The following CDIN1 variants were observed in gnomAD, a reference collection of about 807,000 sequenced individuals.
The protein encoded by CDIN1 is CDAN1-interacting nuclease 1.
Under a neutral mutation model 45.3 loss-of-function variants are expected in CDIN1, and 33 were observed. That is an observed-to-expected ratio of 0.73 (90% CI 0.55 to 0.97). The LOEUF (loss-of-function observed/expected upper bound fraction) is 0.97, where lower values mean the gene tolerates loss of function less well. Ranked by LOEUF, CDIN1 falls within the 50% of genes least tolerant of loss-of-function variation. The pLI, the probability that CDIN1 is intolerant of heterozygous loss-of-function variation, is 0.00. For synonymous variants in CDIN1, 118 were observed against 124.4 expected, an observed-to-expected ratio of 0.95 and a Z score of 0.34; for missense variants, 303 against 339.4, an observed-to-expected ratio of 0.89 and a Z score of 0.84.
At chr15:36,792,310 A>T (rs2054665346) in intron 10 of CDIN1, among the ~76,000 whole-genome samples, 1 of 152,118 alleles carries the variant, frequency 6.6e-6, no homozygotes, top group African/African-American at 2.4e-5. Flanking sequence ...TAATCAAAAA[A>T]CAATCAGAAG....
At chr15:36,633,904 T>C (rs933533750) in intron 1 of CDIN1, among the ~76,000 whole-genome samples, 3 of 151,978 alleles carry the variant, frequency 2.0e-5, no homozygotes. Flanking sequence ...ACTACAGGCA[T>C]GCGCCATGAT....
chr15:36,658,645 G>GTA (rs1566874449), intron 5 of CDIN1, among the ~76,000 whole-genome samples: 1 of 152,070 alleles, frequency 6.6e-6, no homozygotes, highest in East Asian at 1.9e-4. Context: ...TTATTACCTA[G>GTA]TATAATGTTT....
At chr15:36,755,491 C>T (rs1374031168) in intron 10 of CDIN1, among the ~76,000 whole-genome samples, 3 of 152,072 alleles carry the variant, frequency 2.0e-5, no homozygotes, top group East Asian at 3.9e-4. Context: ...CTGAAGAGTA[C>T]TCATTTTTAT....
chr15:36,752,252 CTGTCCTGGTTA>C (rs2053495877), intron 10 of CDIN1, among the ~76,000 whole-genome samples: 1 of 152,200 alleles, frequency 6.6e-6, no homozygotes, highest in Non-Finnish European at 1.5e-5. Context: ...TGCAGGATAA[CTGTCCTGGTTA>C]TGCCAAAGAT....
At chr15:36,597,031 C>G (rs2037868065) in intron 1 of CDIN1, among the ~76,000 whole-genome samples, 1 of 152,120 alleles carries the variant, frequency 6.6e-6, no homozygotes, top group East Asian at 1.9e-4. Flanking sequence ...TTGGCAAGAC[C>G]TATGATTTAT....
intron 10 of CDIN1, among the ~76,000 whole-genome samples, chr15:36,728,607 G>C (rs561626893): frequency 6.7e-6 from 1 of 149,288 alleles, no homozygotes; most frequent in Non-Finnish European, 1.5e-5. Context: ...ATCCAAAATG[G>C]TAATGAATGC....
At chr15:36,689,818 T>G (rs557683855) in intron 5 of CDIN1, among the ~76,000 whole-genome samples, 23 of 152,350 alleles carry the variant, frequency 1.5e-4, no homozygotes, top group African/African-American at 5.5e-4. Flanking sequence ...ATGGTTTGTA[T>G]GAAGTAAATA....
chr15:36,600,391 G>A (rs1255315199), intron 1 of CDIN1, among the ~76,000 whole-genome samples: 2 of 152,182 alleles, frequency 1.3e-5, no homozygotes, highest in East Asian at 1.9e-4. Context: ...TGTAGTTCAC[G>A]AGGGAATATG....
intron 5 of CDIN1, chr15:36,658,156 A>G (rs1020002844): frequency 1.2e-5 from 4 of 344,146 alleles, no homozygotes; most frequent in African/African-American, 2.1e-5. Flanking sequence ...GTATCAAACT[A>G]AAAAATTGAT....
At chr15:36,746,314 G>A (rs575528011) in intron 10 of CDIN1, among the ~76,000 whole-genome samples, 1 of 152,242 alleles carries the variant, frequency 6.6e-6, no homozygotes, top group East Asian at 1.9e-4. Context: ...CAAGTGGGAA[G>A]TTATTGCTGA....
At chr15:36,800,678 G>A (rs1035923104) in intron 10 of CDIN1, among the ~76,000 whole-genome samples, 10 of 151,168 alleles carry the variant, frequency 6.6e-5, no homozygotes, top group South Asian at 2.1e-4. Context: ...CTCCTTCATC[G>A]TGAACTATGT....
At chr15:36,711,291 G>T (rs1307859793) in intron 10 of CDIN1, among the ~76,000 whole-genome samples, 2 of 152,090 alleles carry the variant, frequency 1.3e-5, no homozygotes, top group Non-Finnish European at 2.9e-5. Context: ...TCAGTAGGGA[G>T]GCAGACTGTT....
chr15:36,758,869 A>G (rs1426620081), intron 10 of CDIN1, among the ~76,000 whole-genome samples: 1 of 152,218 alleles, frequency 6.6e-6, no homozygotes, highest in Non-Finnish European at 1.5e-5. Flanking sequence ...CAGTTTCACA[A>G]ATATTGTTAA....
intron 10 of CDIN1, among the ~76,000 whole-genome samples, chr15:36,779,080 G>A (rs2054288299): frequency 6.6e-6 from 1 of 152,082 alleles, no homozygotes; most frequent in African/African-American, 2.4e-5. Flanking sequence ...TACACCATAT[G>A]TTGTCATTTT....
chr15:36,581,878 A>C (rs766463542), intron 1 of CDIN1, among the ~76,000 whole-genome samples: 1 of 152,230 alleles, frequency 6.6e-6, no homozygotes, highest in Non-Finnish European at 1.5e-5. Flanking sequence ...TCTTTTACCC[A>C]TGCCTGATTT....
intron 10 of CDIN1, among the ~76,000 whole-genome samples, chr15:36,719,595 G>T (rs1441366521): frequency 6.6e-6 from 1 of 152,056 alleles, no homozygotes; most frequent in African/African-American, 2.4e-5. Flanking sequence ...TCCTTCTAAA[G>T]TATTTATCTG....
intron 10 of CDIN1, among the ~76,000 whole-genome samples, chr15:36,774,165 C>CGCGCGT (rs1566964700): frequency 1.6e-5 from 2 of 126,160 alleles, no homozygotes; most frequent in African/African-American, 3.2e-5. Context: ...TGTGTGTGTG[C>CGCGCGT]GCGCGCGCGC....
intron 10 of CDIN1, among the ~76,000 whole-genome samples, chr15:36,800,905 G>GTATATA (rs1437486563): frequency 0.012 from 257 of 21,938 alleles, 1 homozygote; most frequent in Middle Eastern, 0.077. Context: ...GTGTGTGTGT[G>GTATATA]TGTGTATATA....
At chr15:36,774,163 T>TGTGTGTGTGTGTGTGCGCGC (rs149222188) in intron 10 of CDIN1, among the ~76,000 whole-genome samples, 16 of 143,058 alleles carry the variant, frequency 1.1e-4, no homozygotes, top group African/African-American at 4.0e-4. Flanking sequence ...TGTGTGTGTG[T>TGTGTGTGTGTGTGTGCGCGC]GCGCGCGCGC....
Sources: gnomAD v4.1 joint callset for allele counts (sites outside exome capture counted in the v4.1 genomes callset) on GRCh38, gnomAD v4.1.1 for gene constraint, MANE v1.5 for transcripts, NCBI Gene and HGNC (gene_info 2026-07-23, HGNC 2026-07-21) for gene names.